Variants in NUDT19 observed in about 807,000 individuals in gnomAD.
The protein encoded by NUDT19 is nudix hydrolase 19.
In NUDT19, 31 loss-of-function variants were observed where a neutral mutation model predicts 22.2. That is an observed-to-expected ratio of 1.40 (90% CI 1.05 to 1.89). NUDT19 has a LOEUF of 1.89. Among genes scored for constraint, NUDT19 ranks in the 40% most tolerant of loss-of-function variants. The pLI is 0.00. For missense variants in NUDT19, 752 were observed against 514.2 expected (o/e 1.46, Z -4.47); for synonymous variants, 325 against 230.8 (o/e 1.41, Z -3.70).
At chr19:32,693,349 T>C (rs1968225179) in intron 1 of NUDT19, among the ~76,000 whole-genome samples, 1 of 152,022 alleles carries the variant, frequency 6.6e-6, no homozygotes, top group African/African-American at 2.4e-5. Context: ...CGTCAGGAGT[T>C]GTTTGTTCCT....
At chr19:32,696,997 C>T (rs1599797089) in intron 1 of NUDT19, among the ~76,000 whole-genome samples, 1 of 152,126 alleles carries the variant, frequency 6.6e-6, no homozygotes, top group East Asian at 1.9e-4. Context: ...GTGTGTCTTC[C>T]AGTGATTGCC....
At chr19:32,703,632 G>A (rs7249198) in intron 1 of NUDT19, among the ~76,000 whole-genome samples, 37,323 of 143,762 alleles carry the variant, frequency 0.26, 4,999 homozygotes, top group Middle Eastern at 0.33. Context: ...CACAGGTGTG[G>A]GCCACTGTGC....
intron 1 of NUDT19, among the ~76,000 whole-genome samples, chr19:32,695,655 T>C (rs1225928396): frequency 6.6e-6 from 1 of 152,162 alleles, no homozygotes; most frequent in African/African-American, 2.4e-5. Flanking sequence ...CCCTTCTCCT[T>C]CCCCTTTTTG....
chr19:32,709,437 G>A, intron 2 of NUDT19, 45 bp downstream of exon 2: 3 of 1,514,596 alleles, frequency 2.0e-6, no homozygotes, highest in Non-Finnish European at 2.8e-6. Context: ...TTCACATTCA[G>A]TGCCCTGGGC....
Position 32,692,106 on chromosome 19 carries a change from G to T in NUDT19, c.146G>T (p.Arg49Leu). The T allele has an allele frequency of 7.1e-7, 1 of 1,407,710 alleles. No homozygotes were observed. The highest frequency in any genetic ancestry group is 9.2e-7 in the Non-Finnish European group (1 of 1,087,230). 87.2% of individuals were successfully genotyped at this position (1,407,710 alleles called of 1,614,324 possible). ...GGCTTCCGGCTGCTGCTGCTGCAGCGCTCCCCGCACCAAGGCTTCATGCCG... is the reference window on the plus strand; with the variant it reads ...GGCTTCCGGCTGCTGCTGCTGCAGCTCTCCCCGCACCAAGGCTTCATGCCG... Reference protein sequence around the residue: ...AEGFRLLLLQRSPHQGFMPGA... With the variant: ...AEGFRLLLLQLSPHQGFMPGA... Residue 49 changes from arginine (R) to leucine (L), a missense_variant, in exon 1 of 3, where the codon CGC becomes CTC. Physicochemically the swap from Arg to Leu is moderately radical, Grantham distance 102 (BLOSUM62 -2). Transcript: ENST00000397061.
chr19:32,704,539 C>T (rs1242869579), intron 1 of NUDT19, among the ~76,000 whole-genome samples: 8 of 151,882 alleles, frequency 5.3e-5, no homozygotes, highest in Admixed American at 2.0e-4. Context: ...GGATTACAGG[C>T]GTGAGCCACC....
chr19:32,709,041 A>G (rs1968417720), intron 1 of NUDT19, 144 bp from the exon 2 acceptor site: 1 of 686,392 alleles, frequency 1.5e-6, no homozygotes, highest in African/African-American at 1.8e-5. Flanking sequence ...GAATCTTTTC[A>G]TGTTGTCTTT....
rs1308699031 is a variant in NUDT19, at chr19:32,712,672, G to A, written c.*715G>A. Reference sequence around the variant, plus strand: ...TCCCAAAGTGTGGGATTACAGGCGTGAGCCACTGTGCCCAGCATGGTGTTT... The same window carrying A: ...TCCCAAAGTGTGGGATTACAGGCGTAAGCCACTGTGCCCAGCATGGTGTTT... On this transcript the variant is annotated 3_prime_UTR_variant, in exon 3 of 3. Coordinates refer to ENST00000397061, the MANE Select transcript of NUDT19 (RefSeq NM_001105570.2). 1 of 152,268 alleles carries A rather than the reference G, an allele frequency of 6.6e-6. No homozygotes were observed. The allele number at this position is 152,268 out of a possible 1,614,324, so 9.4% of individuals were successfully genotyped here.
chr19:32,705,411 G>A (rs887652571), intron 1 of NUDT19, among the ~76,000 whole-genome samples: 4 of 150,828 alleles, frequency 2.7e-5, no homozygotes, highest in Non-Finnish European at 1.5e-5. Context: ...GTGACAGAGC[G>A]AGACTCTGTC....
chr19:32,703,118 C>T (rs1968352407), intron 1 of NUDT19, among the ~76,000 whole-genome samples: 1 of 152,154 alleles, frequency 6.6e-6, no homozygotes, highest in Non-Finnish European at 1.5e-5. Flanking sequence ...TCTCCTGCCT[C>T]AGCTTCCCCA....
At chr19:32,697,660 A>G (rs370842602) in intron 1 of NUDT19, among the ~76,000 whole-genome samples, 20 of 152,142 alleles carry the variant, frequency 1.3e-4, no homozygotes, top group African/African-American at 3.9e-4. Flanking sequence ...CTGTCATTCT[A>G]TCATTTACTG....
chr19:32,692,472 T>TC lies in NUDT19; in HGVS notation c.512_513insC (p.Arg172AlafsTer42), dbSNP rs1968204247. On this transcript the variant is annotated frameshift_variant, in exon 1 of 3. Transcript: ENST00000397061. LOFTEE classifies it high-confidence loss of function. ...GGCCTGGCCTCCTGGCGCGACCGCG[T>TC]GCGCCAGGACCCGCGCCACTTCCTG... 6.5e-7 allele frequency: 1 copy of TC among 1,549,706 alleles called. No homozygotes were observed. The highest frequency in any genetic ancestry group is 8.7e-7 in the Non-Finnish European group (1 of 1,151,464).
In NUDT19 at chr19:32,713,034, T is replaced by G. The variant is rs1968465286; in HGVS notation, c.*1077T>G. The G allele has an allele frequency of 6.6e-6, 1 of 152,224 alleles. No homozygotes were observed. Among genetic ancestry groups the G allele is most frequent in the Non-Finnish European group, 1.5e-5 (1 of 68,032 alleles). 9.4% of individuals were successfully genotyped at this position (152,224 alleles called of 1,614,324 possible). ...CTGAGACACCCTTCAAGTGACCATG[T>G]CATTGTTTTCTTGCTATGTCTTTAG... On this transcript the variant is annotated 3_prime_UTR_variant, in exon 3 of 3. Transcript: ENST00000397061.
At chr19:32,698,013 G>C (rs572657154) in intron 1 of NUDT19, among the ~76,000 whole-genome samples, 1 of 152,122 alleles carries the variant, frequency 6.6e-6, no homozygotes, top group Admixed American at 6.5e-5. Context: ...TCTGGGCAGC[G>C]GACATTAGAG....
chr19:32,692,601 C>T lies in NUDT19; in HGVS notation c.641C>T (p.Thr214Met), dbSNP rs1400439130. 7.0e-6 allele frequency: 11 copies of T among 1,574,632 alleles called. No individual in the cohort carries two copies. The highest frequency in any genetic ancestry group is 2.3e-5 in the South Asian group (2 of 85,840). ...CGGGGCACCACTCGCCGCTTTGACA[C>T]GGCCTTCTTCCTGTGCTGCCTGCGC... ...FLRGTTRRFDTAFFLCCLREP... is the reference protein window; with the variant it reads ...FLRGTTRRFDMAFFLCCLREP... The change falls in exon 1 of 3, where the codon ACG becomes ATG. Residue 214 changes from threonine to methionine, a missense_variant. Physicochemically the swap from Thr to Met is moderately conservative, Grantham distance 81. Coordinates refer to ENST00000397061, the MANE Select transcript of NUDT19 (RefSeq NM_001105570.2).
intron 1 of NUDT19, among the ~76,000 whole-genome samples, chr19:32,698,527 G>T (rs1032219706): frequency 7.9e-5 from 12 of 151,896 alleles, no homozygotes; most frequent in African/African-American, 2.4e-4. Context: ...AACACCTCTT[G>T]CCCAAGAACC....
chr19:32,706,775 C>A (rs1968391753), intron 1 of NUDT19, among the ~76,000 whole-genome samples: 1 of 152,158 alleles, frequency 6.6e-6, no homozygotes, highest in South Asian at 2.1e-4. Flanking sequence ...GTAGGAAGAG[C>A]ATAGTTTGTA....
At chr19:32,695,964 G>T (rs1445127575) in intron 1 of NUDT19, among the ~76,000 whole-genome samples, 2 of 152,198 alleles carry the variant, frequency 1.3e-5, no homozygotes, top group African/African-American at 4.8e-5. Context: ...ACTAACTGTG[G>T]CATAACCTGC....
rs780091063 is a variant in NUDT19, at chr19:32,709,214, T to G, written c.744T>G (p.Ser248Arg). 6.2e-7 allele frequency: 1 copy of G among 1,613,852 alleles called. No individual in the cohort carries two copies. The highest frequency in any genetic ancestry group is 1.1e-5 in the South Asian group (1 of 91,064). Reference sequence around the variant, plus strand: ...CATCTCCATCAGAGGCAACTGAAAGTTTCTTATCAAAAGAAATTTGGTTGC... The same window carrying G: ...CATCTCCATCAGAGGCAACTGAAAGGTTCTTATCAAAAGAAATTTGGTTGC... Reference protein sequence around the residue: ...QWSSPSEATESFLSKEIWLPP... With the variant: ...QWSSPSEATERFLSKEIWLPP... Residue 248 changes from serine (S) to arginine (R), a missense_variant, in exon 2 of 3, where the codon AGT (serine) becomes AGG (arginine). By Grantham distance (110) the Ser-to-Arg change is moderately radical. Transcript: ENST00000397061.
Sources: allele counts gnomAD v4.1 joint callset (sites outside exome capture counted in the v4.1 genomes callset), GRCh38; gene constraint gnomAD v4.1.1; transcripts MANE v1.5; gene names NCBI Gene and HGNC (gene_info 2026-07-23, HGNC 2026-07-21).